Variants in ATG4B observed in about 807,000 individuals in gnomAD.
ATG4B encodes the protein autophagy related 4B cysteine peptidase, also known as cysteine protease ATG4B.
A neutral mutation model predicts 56.6 loss-of-function variants in ATG4B; 29 were observed. The observed-to-expected ratio is 0.51, with a 90% CI of 0.38 to 0.70. The LOEUF is 0.70. Among genes scored for constraint, ATG4B ranks in the 30% least tolerant of loss-of-function variants. The pLI is 0.00. For missense variants in ATG4B, 461 were observed against 515.5 expected (o/e 0.89, Z 1.02); for synonymous variants, 224 against 206.1 (o/e 1.09, Z -0.74).
chr2:241,648,594 CAAAAAAAA>C (rs35764376), intron 1 of ATG4B, among the ~76,000 whole-genome samples: 1 of 135,456 alleles, frequency 7.4e-6, no homozygotes, highest in African/African-American at 2.8e-5. Flanking sequence ...GTCCCGGTCT[CAAAAAAAA>C]AAAAGAAAAA....
intron 1 of ATG4B, among the ~76,000 whole-genome samples, chr2:241,644,268 G>C (rs1236917433): frequency 2.0e-5 from 3 of 152,152 alleles, no homozygotes; most frequent in Non-Finnish European, 4.4e-5. Context: ...CCTTGAGGCC[G>C]GAAGGGGGAG....
intron 12 of ATG4B, 86 bp downstream of exon 12, chr2:241,671,491 C>A: frequency 1.3e-6 from 2 of 1,565,792 alleles, no homozygotes; most frequent in South Asian, 1.2e-5. Flanking sequence ...TGGTTTTGAC[C>A]ATTAAGGTGT....
At chr2:241,657,379 A>T (rs1386091996) in intron 6 of ATG4B, among the ~76,000 whole-genome samples, 130 of 129,374 alleles carry the variant, frequency 1.0e-3, no homozygotes, top group Middle Eastern at 0.011. Context: ...GCTCACTGCT[A>T]CCTCCGCCTC....
At chr2:241,671,674 A>C in intron 12 of ATG4B, 17 of 1,397,792 alleles carry the variant, frequency 1.2e-5, no homozygotes, top group Non-Finnish European at 1.5e-5. Context: ...TGGAGTCCTC[A>C]GGGGTCTGGA....
intron 1 of ATG4B, among the ~76,000 whole-genome samples, chr2:241,649,783 TC>T (rs2068174044): frequency 2.7e-5 from 4 of 148,168 alleles, no homozygotes; most frequent in Admixed American, 2.7e-4. Context: ...CTTTTCTTTT[TC>T]TTTTTTTTTT....
chr2:241,672,506 G>C lies in ATG4B; in HGVS notation c.*242G>C, dbSNP rs2125153022. ...CATCCGCACGCGGAGCCGTCTGTTA[G>C]GAGCTTCCAGAGTGTTCTCTCGACA... On this transcript the variant is annotated 3_prime_UTR_variant, in exon 13 of 13. Transcript: ENST00000404914. The C allele has an allele frequency of 3.5e-6, 2 of 564,244 alleles. No homozygotes were observed. Among genetic ancestry groups the C allele is most frequent in the South Asian group, 2.1e-5 (1 of 47,416 alleles). The allele number at this position is 564,244 out of a possible 1,614,324, so 35.0% of individuals were successfully genotyped here. A position where few individuals can be genotyped will look rare whatever the true frequency, so the allele number is the denominator to read the frequency against.
intron 10 of ATG4B, among the ~76,000 whole-genome samples, chr2:241,669,449 C>T (rs968297110): frequency 1.3e-5 from 2 of 152,220 alleles, no homozygotes; most frequent in African/African-American, 4.8e-5. Flanking sequence ...CCATGCACCT[C>T]CTGGGCAGGG....
intron 1 of ATG4B, 147 bp from the exon 2 acceptor site, chr2:241,650,863 G>A (rs1292659992): frequency 4.4e-6 from 3 of 674,762 alleles, no homozygotes; most frequent in South Asian, 1.9e-5. Context: ...TGGGTGTCTT[G>A]GTAGGCCCGA....
intron 6 of ATG4B, 123 bp from the exon 7 acceptor site, chr2:241,658,985 C>A: frequency 1.5e-6 from 1 of 657,932 alleles, no homozygotes. Context: ...ATTTTAGGAG[C>A]CTTGGCCCTT....
intron 7 of ATG4B, 179 bp downstream of exon 7, chr2:241,659,366 G>A (rs1261523043): frequency 3.5e-5 from 24 of 683,190 alleles, no homozygotes; most frequent in Middle Eastern, 2.4e-4. Context: ...CTCCTATCCC[G>A]GCGGTCATAC....
At chr2:241,638,741 G>T (rs1447592793) in intron 1 of ATG4B, among the ~76,000 whole-genome samples, 1 of 152,214 alleles carries the variant, frequency 6.6e-6, no homozygotes, top group Non-Finnish European at 1.5e-5. Flanking sequence ...CCACTTAAAT[G>T]TGGTAGGTGG....
At position 241,639,357 on chromosome 2, in the gene ATG4B, C is replaced by T. The variant is rs529686647; in HGVS notation, c.10+1633C>T. ...GGGGTGTTGCAGAGTGTCAGCAGCC[C>T]TGTTACTCCCATTGCCCTGCTCCAG... On this transcript the variant is annotated intron_variant, in intron 1 of 12. Transcript: ENST00000404914. 7.9e-5 allele frequency among the ~76,000 whole-genome samples: 12 copies of T among 152,340 alleles called. No homozygotes were observed. In the South Asian group the frequency reaches 2.5e-3, roughly 32 times the overall value.
At chr2:241,645,984 C>T (rs1188979975) in intron 1 of ATG4B, among the ~76,000 whole-genome samples, 1 of 152,136 alleles carries the variant, frequency 6.6e-6, no homozygotes, top group Non-Finnish European at 1.5e-5. Context: ...TGCCAAGCAC[C>T]GTGATTGCTC....
At chr2:241,646,306 A>G (rs148048625) in intron 1 of ATG4B, among the ~76,000 whole-genome samples, 1,723 of 151,954 alleles carry the variant, frequency 0.011, 15 homozygotes, top group Non-Finnish European at 0.018. Flanking sequence ...CCTTATCTAT[A>G]CTTCTCTCAT....
At position 241,668,384 on chromosome 2, in the gene ATG4B, CT is replaced by C; in HGVS notation, c.812-153del. 7.3e-7 allele frequency: 1 copy of C among 1,366,474 alleles called. No homozygotes were observed. Among genetic ancestry groups the C allele is most frequent in the Non-Finnish European group, 1.0e-6 (1 of 987,450 alleles). The allele number at this position is 1,366,474 out of a possible 1,614,324, so 84.6% of individuals were successfully genotyped here. On this transcript the variant is annotated intron_variant, in intron 9 of 12. Transcript: ENST00000404914. This position sits in a 1 kb window ranked among gnomAD's most constrained non-coding sequence, Gnocchi z 4.2. ...GTCGCGGGCGGCCTCCTGTGTGCCC[CT>C]TTCCCTGATGGTCTGGTGCCCTCGG...
intron 1 of ATG4B, among the ~76,000 whole-genome samples, chr2:241,645,908 G>A (rs1246134552): frequency 2.0e-5 from 3 of 152,186 alleles, no homozygotes; most frequent in Non-Finnish European, 4.4e-5. Context: ...CTTGGGGCAC[G>A]GTGTGGGAGC....
At chr2:241,670,873 C>A in intron 11 of ATG4B, 91 bp downstream of exon 11, 1 of 1,314,976 alleles carries the variant, frequency 7.6e-7, no homozygotes, top group Non-Finnish European at 1.1e-6. Flanking sequence ...GCGTCCAGGT[C>A]TCAGGCAGCC....
chr2:241,668,744 C>T lies in ATG4B; in HGVS notation c.957+59C>T, dbSNP rs896348277. ...GGTGCTGAATGCTGTTTGGGAATGA[C>T]GAGGAAAACTTTCGGATTTTTGCGT... On this transcript the variant is annotated intron_variant, in intron 10 of 12. Coordinates refer to ENST00000404914, the MANE Select transcript of ATG4B (RefSeq NM_013325.5). The surrounding 1 kb of genome is among the most constrained non-coding windows in gnomAD (Gnocchi z 4.2). 6.6e-6 allele frequency: 10 copies of T among 1,514,778 alleles called. No homozygotes were observed. The African/African-American group carries it at 8.5e-5, about 13-fold the overall frequency. The allele number at this position is 1,514,778 out of a possible 1,614,324, so 93.8% of individuals were successfully genotyped here. A position where few individuals can be genotyped will look rare whatever the true frequency, so the allele number is the denominator to read the frequency against.
At chr2:241,637,851 C>A in intron 1 of ATG4B, 127 bp downstream of exon 1, 2 of 826,508 alleles carry the variant, frequency 2.4e-6, no homozygotes, top group Non-Finnish European at 3.0e-6. Flanking sequence ...TGGGCCGGGG[C>A]GGCGGGCGCT....
Sources: gnomAD v4.1 joint callset for allele counts (sites outside exome capture counted in the v4.1 genomes callset) on GRCh38, gnomAD v4.1.1 for gene constraint, Gnocchi (gnomAD v3.1) non-coding constraint, MANE v1.5 for transcripts, NCBI Gene and HGNC (gene_info 2026-07-23, HGNC 2026-07-21) for gene names.